The following STK10 variants were observed in gnomAD, a reference collection of about 807,000 sequenced individuals.
STK10 encodes serine/threonine-protein kinase 10.
A neutral mutation model predicts 113.8 loss-of-function variants in STK10; 78 were observed. The observed-to-expected ratio is 0.69, with a 90% CI of 0.57 to 0.83. The LOEUF (loss-of-function observed/expected upper bound fraction) is 0.83. Among genes scored for constraint, STK10 ranks in the 40% least tolerant of loss-of-function variants. The pLI, the probability that STK10 is intolerant of heterozygous loss-of-function variation, is 0.00. For synonymous variants in STK10, 465 were observed against 494.7 expected, an observed-to-expected ratio of 0.94 and a Z score of 0.80; for missense variants, 1,109 against 1,280.1, an observed-to-expected ratio of 0.87 and a Z score of 2.04.
At position 172,044,875 on chromosome 5, in the gene STK10, G is replaced by T. The variant is rs766405920; in HGVS notation, c.*7C>A. ...ACCAAGCTGCCAGCCACAGCCCCGGGCGGTTGTTAAGAAGCATCCGCAGAA... is the reference window on the plus strand; with the variant it reads ...ACCAAGCTGCCAGCCACAGCCCCGGTCGGTTGTTAAGAAGCATCCGCAGAA... On this transcript the variant is annotated 3_prime_UTR_variant, in exon 19 of 19. Transcript: ENST00000176763. This position sits in a 1 kb window ranked among gnomAD's most constrained non-coding sequence, Gnocchi z 4.5. 1.2e-6 allele frequency: 2 copies of T among 1,614,192 alleles called. No individual in the cohort carries two copies. The highest frequency in any genetic ancestry group is 8.5e-7 in the Non-Finnish European group (1 of 1,180,044).
intron 1 of STK10, among the ~76,000 whole-genome samples, chr5:172,161,390 T>C (rs983664965): frequency 2.7e-5 from 4 of 150,666 alleles, no homozygotes; most frequent in East Asian, 2.0e-4. Flanking sequence ...GAGGTGGAGA[T>C]TGCAGTGAGC....
chr5:172,148,586 T>C (rs929497679), intron 2 of STK10, among the ~76,000 whole-genome samples: 8 of 152,254 alleles, frequency 5.3e-5, no homozygotes, highest in Non-Finnish European at 1.2e-4. Context: ...CCCGGGTCAC[T>C]GCCCAAGGGA....
At chr5:172,088,572 TAAA>T (rs1460663287) in intron 10 of STK10, among the ~76,000 whole-genome samples, 2 of 152,192 alleles carry the variant, frequency 1.3e-5, no homozygotes, top group African/African-American at 4.8e-5. Context: ...TTCACATGTA[TAAA>T]AATATGTGAT....
intron 15 of STK10, chr5:172,057,138 T>C (rs527331102): frequency 8.4e-6 from 5 of 593,492 alleles, no homozygotes; most frequent in Non-Finnish European, 5.8e-6. Flanking sequence ...TTGGCTTCCC[T>C]GCATCGTTTC....
At chr5:172,098,836 T>C (rs1446942715) in intron 7 of STK10, among the ~76,000 whole-genome samples, 1 of 151,980 alleles carries the variant, frequency 6.6e-6, no homozygotes, top group African/African-American at 2.4e-5. Flanking sequence ...TGGTAAATGC[T>C]CAGATATGGC....
chr5:172,055,618 GCTGCCCCCGCCGT>G lies in STK10; in HGVS notation c.2483_2495del (p.Asn828ThrfsTer46). Reference sequence around the variant, plus strand: ...TGATCTTCTCACGCTGCTCAGCTGCGCTGCCCCCGCCGTTGATGTGGAGGCTCTTCTTGTACAT... The same window carrying G: ...TGATCTTCTCACGCTGCTCAGCTGCGTGATGTGGAGGCTCTTCTTGTACAT... On this transcript the variant is annotated frameshift_variant, in exon 16 of 19. Transcript: ENST00000176763. LOFTEE classifies it high-confidence loss of function. The G allele has an allele frequency of 6.5e-7, 1 of 1,545,718 alleles. No homozygotes were observed. The highest frequency in any genetic ancestry group is 8.8e-7 in the Non-Finnish European group (1 of 1,141,246).
At chr5:172,181,221 C>A (rs79708630) in intron 1 of STK10, among the ~76,000 whole-genome samples, 1 of 152,226 alleles carries the variant, frequency 6.6e-6, no homozygotes, top group African/African-American at 2.4e-5. Flanking sequence ...TGCCTACTTA[C>A]CGCAGCATGT....
intron 7 of STK10, among the ~76,000 whole-genome samples, chr5:172,097,820 A>G (rs1768893138): frequency 6.6e-6 from 1 of 152,196 alleles, no homozygotes; most frequent in Non-Finnish European, 1.5e-5. Flanking sequence ...AGGTTTTTAT[A>G]CAAATGTCAG....
intron 2 of STK10, among the ~76,000 whole-genome samples, chr5:172,132,261 C>T (rs1165726640): frequency 6.6e-6 from 1 of 152,050 alleles, no homozygotes. Flanking sequence ...GTAGTTTGTA[C>T]TTTTATGTAT....
At chr5:172,086,793 C>T (rs1768571364) in intron 10 of STK10, among the ~76,000 whole-genome samples, 1 of 152,192 alleles carries the variant, frequency 6.6e-6, no homozygotes, top group South Asian at 2.1e-4. Flanking sequence ...GAGAAAATCC[C>T]GGTTCCTGCC....
intron 12 of STK10, among the ~76,000 whole-genome samples, chr5:172,079,886 T>C (rs1768393652): frequency 1.3e-5 from 2 of 152,150 alleles, no homozygotes; most frequent in Non-Finnish European, 2.9e-5. Context: ...TTTATCTTGA[T>C]GACTGAGTTT....
intron 12 of STK10, among the ~76,000 whole-genome samples, chr5:172,073,793 C>CAAAAAAAAAA (rs60492751): frequency 1.4e-4 from 8 of 58,414 alleles, no homozygotes; most frequent in Admixed American, 2.2e-4. Flanking sequence ...CTAAAAATAG[C>CAAAAAAAAAA]AAAAAAAAAA....
chr5:172,159,879 T>C (rs1457862181), intron 1 of STK10, among the ~76,000 whole-genome samples: 1 of 152,200 alleles, frequency 6.6e-6, no homozygotes, highest in African/African-American at 2.4e-5. Flanking sequence ...GGCTCATGCC[T>C]GTAATCCCAG....
At chr5:172,153,318 AAGAAAG>A (rs895455680) in intron 2 of STK10, among the ~76,000 whole-genome samples, 4 of 119,770 alleles carry the variant, frequency 3.3e-5, no homozygotes, top group Non-Finnish European at 7.0e-5. Context: ...GAAAGAAAGA[AAGAAAG>A]AAATGTAAAA....
At position 172,148,167 on chromosome 5, in the gene STK10, C is replaced by T. The variant is rs116311314; in HGVS notation, c.321+8457G>A. ...CTGTGGTGATCAGCACTATCATCCC[C>T]GACGTCCAGATGAGAAGCCTGGAGC... On this transcript the variant is annotated intron_variant, in intron 2 of 18. Transcript: ENST00000176763. Among the ~76,000 whole-genome samples the T allele has an allele frequency of 1.5e-3, 226 of 152,240 alleles. 1 individual carries two copies. Among genetic ancestry groups the T allele is most frequent in the Middle Eastern group, 3.4e-3 (1 of 294 alleles).
rs372747601 is a variant in STK10, at chr5:172,120,547, C to T, written c.371-2917G>A. On this transcript the variant is annotated intron_variant, in intron 3 of 18. Transcript: ENST00000176763. This position sits in a 1 kb window ranked among gnomAD's most constrained non-coding sequence, Gnocchi z 4.0. The stretch of plus-strand genomic sequence containing the variant: ...GCATGGGCTTCAGGACCACACAGAC[C>T]GAGGCCGTACCCAGGTGCTGCCTCT... 9.9e-5 allele frequency among the ~76,000 whole-genome samples: 15 copies of T among 152,254 alleles called. No homozygotes were observed. In the South Asian group the frequency reaches 2.3e-3, roughly 23 times the overall value.
At chr5:172,140,742 T>C (rs1248313396) in intron 2 of STK10, among the ~76,000 whole-genome samples, 3 of 152,140 alleles carry the variant, frequency 2.0e-5, no homozygotes, top group Non-Finnish European at 4.4e-5. Flanking sequence ...AACTACTATA[T>C]GATCCAGCAA....
chr5:172,109,509 T>C (rs1345072127), intron 4 of STK10, among the ~76,000 whole-genome samples: 1 of 151,818 alleles, frequency 6.6e-6, no homozygotes, highest in African/African-American at 2.4e-5. Context: ...GGAGTCTCTA[T>C]GTTGCCCAGG....
At chr5:172,094,594 G>C (rs1248826843) in intron 8 of STK10, among the ~76,000 whole-genome samples, 1 of 152,136 alleles carries the variant, frequency 6.6e-6, no homozygotes, top group East Asian at 1.9e-4. Flanking sequence ...ATGTCACCCA[G>C]GCTGGTCTCA....
Sources: gnomAD v4.1 joint callset for allele counts (sites outside exome capture counted in the v4.1 genomes callset) on GRCh38, gnomAD v4.1.1 for gene constraint, Gnocchi (gnomAD v3.1) non-coding constraint, MANE v1.5 for transcripts, NCBI Gene and HGNC (gene_info 2026-07-23, HGNC 2026-07-21) for gene names.